The following ARHGAP21 variants were observed in gnomAD, a reference collection of about 807,000 sequenced individuals.
ARHGAP21 encodes the protein Rho GTPase activating protein 21.
Under a neutral mutation model 164.6 loss-of-function variants are expected in ARHGAP21, and 38 were observed. The ratio of observed to expected loss-of-function variants is 0.23; its 90% CI spans 0.18 to 0.30. The LOEUF (loss-of-function observed/expected upper bound fraction) is 0.30, where lower values mean the gene tolerates loss of function less well. Ranked by LOEUF, ARHGAP21 falls within the 10% of genes least tolerant of loss-of-function variation. The probability of loss-of-function intolerance (pLI) is 1.00; values close to 1 mark genes in which losing one functional copy is unlikely to be tolerated. For missense variants in ARHGAP21, 1,822 were observed against 2,370.7 expected, an observed-to-expected ratio of 0.77 and a Z score of 4.81; for synonymous variants, 766 against 857.9, an observed-to-expected ratio of 0.89 and a Z score of 1.87.
intron 4 of ARHGAP21, among the ~76,000 whole-genome samples, chr10:24,637,458 T>C (rs1294539757): frequency 2.0e-5 from 3 of 152,200 alleles, no homozygotes; most frequent in Admixed American, 6.5e-5. Context: ...GAAAGATTTA[T>C]ATAATAAAAG....
At chr10:24,664,151 A>T (rs1444347924) in intron 4 of ARHGAP21, among the ~76,000 whole-genome samples, 1 of 152,210 alleles carries the variant, frequency 6.6e-6, no homozygotes, top group Non-Finnish European at 1.5e-5. Flanking sequence ...CTCAGACCTC[A>T]GTGCAAAATG....
At chr10:24,635,348 G>A (rs1045584609) in intron 4 of ARHGAP21, among the ~76,000 whole-genome samples, 2 of 152,044 alleles carry the variant, frequency 1.3e-5, no homozygotes, top group Non-Finnish European at 2.9e-5. Flanking sequence ...GCTACATTCC[G>A]TATGTCAGTT....
chr10:24,648,301 G>A (rs548550590), intron 4 of ARHGAP21, among the ~76,000 whole-genome samples: 1 of 152,288 alleles, frequency 6.6e-6, no homozygotes, highest in South Asian at 2.1e-4. Context: ...TCCAAAATAT[G>A]AGTAGAATTT....
chr10:24,678,079 T>C (rs911323640), intron 2 of ARHGAP21, among the ~76,000 whole-genome samples: 9 of 149,620 alleles, frequency 6.0e-5, no homozygotes, highest in African/African-American at 2.2e-4. Flanking sequence ...CTGGGCAACA[T>C]AGTGAGACCT....
In ARHGAP21 at chr10:24,584,755, T is replaced by C. The variant is rs762261689; in HGVS notation, c.5534A>G (p.Gln1845Arg). The C allele has an allele frequency of 6.2e-7, 1 of 1,614,018 alleles. No homozygotes were observed. Among genetic ancestry groups the C allele is most frequent in the South Asian group, 1.1e-5 (1 of 91,072 alleles). The stretch of plus-strand genomic sequence containing the variant: ...CAGCCAGTCTGAGATGGAAAGGTCC[T>C]GGGCTGAGCATTTTGGTTTTAACCG... ...VNRLKPKCSA[Q>R]DLSISDWLAR... Residue 1845 changes from glutamine to arginine, a missense_variant, in exon 26 of 26, where the codon CAG becomes CGG. Physicochemically the swap from Gln to Arg is conservative, Grantham distance 43. Transcript: ENST00000396432.
At chr10:24,650,261 CT>C (rs1353527282) in intron 4 of ARHGAP21, among the ~76,000 whole-genome samples, 1 of 152,144 alleles carries the variant, frequency 6.6e-6, no homozygotes, top group East Asian at 1.9e-4. Flanking sequence ...ATCCCAACTA[CT>C]CAGGAGGCTG....
intron 12 of ARHGAP21, among the ~76,000 whole-genome samples, chr10:24,602,876 A>G (rs538513019): frequency 1.3e-5 from 2 of 152,306 alleles, no homozygotes; most frequent in South Asian, 4.1e-4. Flanking sequence ...TATGGGGGAA[A>G]GTGAAAAAGA....
At chr10:24,618,287 C>T (rs1006109132) in intron 9 of ARHGAP21, among the ~76,000 whole-genome samples, 2 of 152,050 alleles carry the variant, frequency 1.3e-5, no homozygotes, top group African/African-American at 2.4e-5. Flanking sequence ...TTATGTGCCA[C>T]GCAGTGTTCT....
intron 2 of ARHGAP21, among the ~76,000 whole-genome samples, chr10:24,695,050 C>CAAAAAAAAAAAAAAAAAAA (rs570457905): frequency 1.9e-4 from 15 of 78,504 alleles, no homozygotes; most frequent in Non-Finnish European, 2.9e-4. Context: ...AATTCCATCT[C>CAAAAAAAAAAAAAAAAAAA]AAAAAAAAAA....
intron 2 of ARHGAP21, among the ~76,000 whole-genome samples, chr10:24,701,211 C>T (rs1375192562): frequency 6.6e-6 from 1 of 152,132 alleles, no homozygotes; most frequent in Non-Finnish European, 1.5e-5. Flanking sequence ...TGCAGCCTCT[C>T]TTTCCCTCTT....
At chr10:24,628,950 C>CTAT (rs1565054194) in intron 7 of ARHGAP21, 4 of 53,568 alleles carry the variant, frequency 7.5e-5, no homozygotes, top group Admixed American at 3.0e-4. Context: ...TACACACACA[C>CTAT]ACTATATATA....
chr10:24,666,432 G>C (rs1339816100), intron 4 of ARHGAP21, among the ~76,000 whole-genome samples: 1 of 152,170 alleles, frequency 6.6e-6, no homozygotes, highest in Non-Finnish European at 1.5e-5. Flanking sequence ...AAATTATCTA[G>C]AAATAAAAGT....
chr10:24,664,867 A>G (rs1593221061), intron 4 of ARHGAP21, among the ~76,000 whole-genome samples: 1 of 152,154 alleles, frequency 6.6e-6, no homozygotes, highest in East Asian at 1.9e-4. Context: ...GTTTTCCCTT[A>G]TAAATATTCA....
chr10:24,696,644 T>C (rs865913202), intron 2 of ARHGAP21, among the ~76,000 whole-genome samples: 3 of 152,102 alleles, frequency 2.0e-5, no homozygotes, highest in South Asian at 2.1e-4. Flanking sequence ...GAGGCTCAAA[T>C]ATACTACTGG....
chr10:24,659,697 T>G (rs1488785476), intron 4 of ARHGAP21, among the ~76,000 whole-genome samples: 1 of 152,158 alleles, frequency 6.6e-6, no homozygotes, highest in Non-Finnish European at 1.5e-5. Context: ...TAGATAGAGA[T>G]CTTGCTATGT....
At chr10:24,610,627 G>A (rs1357914090) in intron 9 of ARHGAP21, among the ~76,000 whole-genome samples, 1 of 152,106 alleles carries the variant, frequency 6.6e-6, no homozygotes, top group Admixed American at 6.5e-5. Context: ...TTTCCAAATG[G>A]AGAGTATTTC....
Position 24,584,010 on chromosome 10 carries a change from T to TGTAA in ARHGAP21, c.*398_*401dup, listed in dbSNP as rs1216143276. 1.3e-5 allele frequency: 2 copies of TGTAA among 152,788 alleles called. No homozygotes were observed. Among genetic ancestry groups the TGTAA allele is most frequent in the East Asian group, 1.9e-4 (1 of 5,196 alleles). The allele number at this position is 152,788 out of a possible 1,614,324, so 9.5% of individuals were successfully genotyped here. On this transcript the variant is annotated 3_prime_UTR_variant, in exon 26 of 26. Transcript: ENST00000396432. ...CAATAAAACGCATTCGTTTATTCAA[T>TGTAA]GTAAGTAAGTTATCTAATTTTAACA...
rs1413238342 is a variant in ARHGAP21, at chr10:24,584,369, T to TA, written c.*42dup. The TA allele has an allele frequency of 6.6e-7, 1 of 1,526,190 alleles. No homozygotes were observed. The highest frequency in any genetic ancestry group is 2.3e-5 in the East Asian group (1 of 44,318). The allele number at this position is 1,526,190 out of a possible 1,614,324, so 94.5% of individuals were successfully genotyped here. A position where few individuals can be genotyped will look rare whatever the true frequency, so the allele number is the denominator to read the frequency against. On this transcript the variant is annotated 3_prime_UTR_variant, in exon 26 of 26. Coordinates refer to ENST00000396432, the MANE Select transcript of ARHGAP21 (RefSeq NM_020824.4). Reference sequence around the variant, plus strand: ...ATATTGACAGAGTTACTGGAACGTGTAACAGTAGTTTTTTTACTTGCTAGA... The same window carrying TA: ...ATATTGACAGAGTTACTGGAACGTGTAAACAGTAGTTTTTTTACTTGCTAGA...
At chr10:24,616,019 C>G (rs1003367659) in intron 9 of ARHGAP21, among the ~76,000 whole-genome samples, 2 of 152,142 alleles carry the variant, frequency 1.3e-5, no homozygotes. Context: ...CTCAAGTGAT[C>G]TGACTGCCTC....
Sources: allele counts gnomAD v4.1 joint callset (sites outside exome capture counted in the v4.1 genomes callset), GRCh38; gene constraint gnomAD v4.1.1; transcripts MANE v1.5; gene names NCBI Gene and HGNC (gene_info 2026-07-23, HGNC 2026-07-21).